Variants in PDE1C observed in about 807,000 individuals in gnomAD.
PDE1C encodes the protein dual specificity calcium/calmodulin-dependent 3',5'-cyclic nucleotide phosphodiesterase 1C.
Under a neutral mutation model 93.1 loss-of-function variants are expected in PDE1C, and 62 were observed. The ratio of observed to expected loss-of-function variants is 0.67; its 90% confidence interval spans 0.54 to 0.82. The LOEUF is 0.82. Among genes scored for constraint, PDE1C ranks in the 40% least tolerant of loss-of-function variants. The pLI, the probability that PDE1C is intolerant of heterozygous loss-of-function variation, is 0.00. For synonymous variants in PDE1C, 325 were observed against 310.1 expected, an observed-to-expected ratio of 1.05 and a Z score of -0.50; for missense variants, 742 against 884.6, an observed-to-expected ratio of 0.84 and a Z score of 2.04.
chr7:31,698,558 A>G, the PDE1C span, among the ~76,000 whole-genome samples: 2 of 152,222 alleles, frequency 1.3e-5, no homozygotes, highest in East Asian at 1.9e-4. Flanking sequence ...CACATGTGCT[A>G]AAAGTACAAG....
At chr7:32,273,227 G>A (rs562899689) in intron 1 of PDE1C, among the ~76,000 whole-genome samples, 4 of 152,214 alleles carry the variant, frequency 2.6e-5, no homozygotes, top group Non-Finnish European at 5.9e-5. Context: ...GAGTGCCCCG[G>A]TGAGAGGGAA....
chr7:31,617,600 T>C, the PDE1C span, among the ~76,000 whole-genome samples: 19 of 151,996 alleles, frequency 1.3e-4, no homozygotes, highest in Admixed American at 1.0e-3. Context: ...TAACAGCAGC[T>C]CTTTAGAGAC....
At chr7:31,712,151 A>T in the PDE1C span, among the ~76,000 whole-genome samples, 3 of 152,212 alleles carry the variant, frequency 2.0e-5, no homozygotes, top group South Asian at 2.1e-4. Flanking sequence ...ATAACTGATT[A>T]GTGTTTGTCT....
At chr7:32,389,182 G>GTGTA (rs1247787307) in intron 1 of PDE1C, among the ~76,000 whole-genome samples, 1 of 139,600 alleles carries the variant, frequency 7.2e-6, no homozygotes, top group Non-Finnish European at 1.5e-5. Context: ...GTGTGTGTGT[G>GTGTA]TGTGTGTGGT....
At chr7:32,119,768 T>C (rs142448186) in intron 3 of PDE1C, among the ~76,000 whole-genome samples, 141 of 152,216 alleles carry the variant, frequency 9.3e-4, no homozygotes, top group African/African-American at 3.2e-3. Context: ...GATCAGAAGA[T>C]CCCACTCAGG....
intron 2 of PDE1C, among the ~76,000 whole-genome samples, chr7:31,939,343 A>C (rs1373705373): frequency 6.6e-6 from 1 of 152,172 alleles, no homozygotes; most frequent in Non-Finnish European, 1.5e-5. Flanking sequence ...CACACCGCTG[A>C]GTCTTCAAGG....
At chr7:31,622,257 A>C in the PDE1C span, among the ~76,000 whole-genome samples, 1 of 149,578 alleles carries the variant, frequency 6.7e-6, no homozygotes, top group Non-Finnish European at 1.5e-5. Context: ...AAGCGGACCT[A>C]ATAGGCATCT....
At chr7:31,908,470 G>A (rs947077820) in intron 2 of PDE1C, among the ~76,000 whole-genome samples, 2 of 152,098 alleles carry the variant, frequency 1.3e-5, no homozygotes, top group South Asian at 2.1e-4. Context: ...ACTGCAGGGC[G>A]CATCCAGGTG....
chr7:32,162,848 T>A (rs1802003024), intron 3 of PDE1C, among the ~76,000 whole-genome samples: 1 of 152,002 alleles, frequency 6.6e-6, no homozygotes, highest in Non-Finnish European at 1.5e-5. Flanking sequence ...AGCCCTCCCT[T>A]CCCAAACTAC....
At chr7:31,837,075 A>T in intron 11 of PDE1C, 105 bp downstream of exon 11, 3 of 1,200,660 alleles carry the variant, frequency 2.5e-6, no homozygotes, top group Non-Finnish European at 3.4e-6. Flanking sequence ...TCCCCTCTCC[A>T]AAATTACTGT....
the PDE1C span, among the ~76,000 whole-genome samples, chr7:31,734,446 A>G: frequency 6.6e-6 from 1 of 152,168 alleles, no homozygotes; most frequent in Non-Finnish European, 1.5e-5. Flanking sequence ...GTGAGAGTAT[A>G]TGAAAGCCCC....
chr7:32,298,051 TCTCTCTCTCTCTCCC>T (rs1812733381), intron 1 of PDE1C, among the ~76,000 whole-genome samples: 1 of 76,290 alleles, frequency 1.3e-5, no homozygotes, highest in African/African-American at 7.3e-5. Flanking sequence ...TCTCTCTCTC[TCTCTCTCTCTCTCCC>T]CTCTCTCTCT....
the PDE1C span, among the ~76,000 whole-genome samples, chr7:31,666,393 T>C: frequency 6.6e-6 from 1 of 152,232 alleles, no homozygotes; most frequent in Non-Finnish European, 1.5e-5. Flanking sequence ...ATTATCTTGC[T>C]AGTTCCCTCA....
intron 17 of PDE1C, among the ~76,000 whole-genome samples, chr7:31,761,699 G>A (rs1198547661): frequency 6.6e-6 from 1 of 152,122 alleles, no homozygotes; most frequent in Non-Finnish European, 1.5e-5. Flanking sequence ...AATCTATGAG[G>A]GTAGGACTAA....
At chr7:32,020,666 G>A (rs1168846762) in intron 2 of PDE1C, among the ~76,000 whole-genome samples, 1 of 152,042 alleles carries the variant, frequency 6.6e-6, no homozygotes, top group Non-Finnish European at 1.5e-5. Context: ...GCACACTAGA[G>A]CCTCAAATCC....
rs150882413 is a variant in PDE1C, at chr7:32,129,395, C to T, written c.308+40390G>A. Among the ~76,000 whole-genome samples, 2 of 124,760 alleles carry T rather than the reference C, an allele frequency of 1.6e-5. 1 individual carries two copies. Among genetic ancestry groups the T allele is most frequent in the East Asian group, 6.0e-4 (2 of 3,338 alleles). 81.8% of individuals were successfully genotyped at this position (124,760 alleles called of 152,430 possible). On this transcript the variant is annotated intron_variant, in intron 3 of 18. Coordinates refer to the PDE1C transcript ENST00000396193. ...TGATTATATCTGGGTATTGGAATTACATTTTTTAAATTTTATTTTTGATTA... is the reference window on the plus strand; with the variant it reads ...TGATTATATCTGGGTATTGGAATTATATTTTTTAAATTTTATTTTTGATTA...
intron 1 of PDE1C, among the ~76,000 whole-genome samples, chr7:32,056,404 C>CACAA (rs1794113245): frequency 6.7e-6 from 1 of 148,532 alleles, no homozygotes; most frequent in African/African-American, 2.5e-5. Flanking sequence ...CACACACACA[C>CACAA]AGCTTCATCT....
chr7:31,767,714 G>T (rs2128618550), intron 17 of PDE1C, among the ~76,000 whole-genome samples: 1 of 152,298 alleles, frequency 6.6e-6, no homozygotes, highest in Admixed American at 6.5e-5. Flanking sequence ...TTTATTTCTT[G>T]CAGTTCTAGA....
At chr7:31,648,369 C>G in the PDE1C span, among the ~76,000 whole-genome samples, 1 of 152,078 alleles carries the variant, frequency 6.6e-6, no homozygotes, top group African/African-American at 2.4e-5. Context: ...TCAAAACACT[C>G]TATTTTTGAG....
Sources: allele counts gnomAD v4.1 joint callset (sites outside exome capture counted in the v4.1 genomes callset), GRCh38; gene constraint gnomAD v4.1.1; transcripts MANE v1.5; gene names NCBI Gene and HGNC (gene_info 2026-07-23, HGNC 2026-07-21).